Variants in HMCN1 observed in about 807,000 individuals in gnomAD.
HMCN1 encodes hemicentin-1.
HMCN1 carries 321 observed loss-of-function variants against 625.9 expected under a neutral mutation model. The observed-to-expected ratio is 0.51, with a 90% CI of 0.47 to 0.56. The LOEUF (loss-of-function observed/expected upper bound fraction) is 0.56. Ranked by LOEUF, HMCN1 falls within the 20% of genes least tolerant of loss-of-function variation. HMCN1 has a pLI of 0.00. For synonymous variants in HMCN1, 2,425 were observed against 2,417.6 expected, an observed-to-expected ratio of 1.00 and a Z score of -0.09; for missense variants, 6,588 against 6,887.3, an observed-to-expected ratio of 0.96 and a Z score of 1.54.
chr1:185,891,914 T>C (rs1665117336), intron 4 of HMCN1, among the ~76,000 whole-genome samples: 1 of 148,852 alleles, frequency 6.7e-6, no homozygotes, highest in Non-Finnish European at 1.5e-5. Context: ...GTTTTCCAAC[T>C]TGGTTCCATT....
Position 186,130,420 on chromosome 1 carries a change from TA to T in HMCN1, c.13040-84del, listed in dbSNP as rs2102516138. The T allele has an allele frequency of 1.0e-5, 14 of 1,379,984 alleles. 1 individual carries two copies. The South Asian group carries it at 1.3e-4, about 13-fold the overall frequency. The allele number at this position is 1,379,984 out of a possible 1,614,324, so 85.5% of individuals were successfully genotyped here. ...AAGGTGGCTTTACTCCCCTCTTTAC[TA>T]AATTATTTTTCCAAATAGGTCAAAG... On this transcript the variant is annotated intron_variant, in intron 84 of 106. Coordinates refer to ENST00000271588, the MANE Select transcript of HMCN1 (RefSeq NM_031935.3).
intron 4 of HMCN1, among the ~76,000 whole-genome samples, chr1:185,908,578 G>A (rs1371308890): frequency 6.6e-6 from 1 of 151,748 alleles, no homozygotes; most frequent in Non-Finnish European, 1.5e-5. Context: ...AACTTTCTAT[G>A]GATTCAAAGT....
chr1:185,928,184 T>G (rs1667370916), intron 9 of HMCN1, among the ~76,000 whole-genome samples: 1 of 152,180 alleles, frequency 6.6e-6, no homozygotes, highest in Non-Finnish European at 1.5e-5. Context: ...TTGCTTTGTC[T>G]AAGATTCCTA....
chr1:185,909,397 C>T lies in HMCN1; in HGVS notation c.682C>T (p.His228Tyr), dbSNP rs1666285012. Residue 228 changes from histidine (H) to tyrosine (Y), a missense_variant, in exon 5 of 107, where the codon CAT becomes TAT. Around this residue, in one of 3 missense-constraint regions of HMCN1, gnomAD observed 4,628 missense variants for 4,853.1 expected, o/e 0.95. Coordinates refer to ENST00000271588, the MANE Select transcript of HMCN1 (RefSeq NM_031935.3). ...CAAAGTTCACCTTTTATCCACAGAT[C>T]ATTTGGAACAGGCTGTAAATACTTG... Reference protein sequence around the residue: ...ASKVHLLSTDHLEQAVNTWRI... With the variant: ...ASKVHLLSTDYLEQAVNTWRI... 1 of 1,613,046 alleles carries T rather than the reference C, an allele frequency of 6.2e-7. No homozygotes were observed.
At chr1:185,749,847 C>T (rs1654677332) in intron 1 of HMCN1, among the ~76,000 whole-genome samples, 1 of 152,180 alleles carries the variant, frequency 6.6e-6, no homozygotes, top group Non-Finnish European at 1.5e-5. Context: ...AGCATATTGG[C>T]CTCTTTATTA....
intron 1 of HMCN1, among the ~76,000 whole-genome samples, chr1:185,842,747 T>G (rs775472845): frequency 2.6e-5 from 4 of 151,766 alleles, no homozygotes; most frequent in Non-Finnish European, 5.9e-5. Flanking sequence ...AAAAAAAACT[T>G]TAAAAATATC....
chr1:186,187,233 A>AT (rs34610140), intron 105 of HMCN1, among the ~76,000 whole-genome samples: 113,659 of 151,968 alleles, frequency 0.75, 42,987 homozygotes, highest in African/African-American at 0.86. Context: ...TCCCACTACC[A>AT]AACAACAGAG....
In HMCN1 at chr1:186,190,081, A is replaced by C; in HGVS notation, c.*203A>C. 1.6e-6 allele frequency: 1 copy of C among 620,560 alleles called. No individual in the cohort carries two copies. The highest frequency in any genetic ancestry group is 1.9e-5 in the South Asian group (1 of 51,986). 38.4% of individuals were successfully genotyped at this position (620,560 alleles called of 1,614,324 possible). A position where few individuals can be genotyped will look rare whatever the true frequency, so the allele number is the denominator to read the frequency against. On this transcript the variant is annotated 3_prime_UTR_variant, in exon 107 of 107. Transcript: ENST00000271588. ...CATATCTTGAAGTATGGTCTAGAAA[A>C]GTCCCTTATTATTTTATTTATTACA...
intron 89 of HMCN1, among the ~76,000 whole-genome samples, chr1:186,142,423 T>C (rs1051645561): frequency 6.6e-6 from 1 of 152,206 alleles, no homozygotes; most frequent in African/African-American, 2.4e-5. Flanking sequence ...TTGGGTGTTT[T>C]GGTTGCTTCT....
intron 71 of HMCN1, among the ~76,000 whole-genome samples, chr1:186,112,208 G>A (rs1460165877): frequency 1.3e-5 from 2 of 152,052 alleles, no homozygotes; most frequent in African/African-American, 4.8e-5. Context: ...AAATGTTAGA[G>A]TACAATGTTT....
intron 11 of HMCN1, among the ~76,000 whole-genome samples, chr1:185,958,072 TTATAAATAGGGTA>T: frequency 6.6e-6 from 1 of 152,308 alleles, no homozygotes; most frequent in East Asian, 1.9e-4. Flanking sequence ...CAAATATTGT[TTATAAATAGGGTA>T]TATAATCTTT....
At chr1:185,796,806 A>G (rs1658416542) in intron 1 of HMCN1, among the ~76,000 whole-genome samples, 1 of 152,230 alleles carries the variant, frequency 6.6e-6, no homozygotes, top group South Asian at 2.1e-4. Context: ...TGCAATAAAC[A>G]CGAGTGCAGA....
intron 103 of HMCN1, chr1:186,177,303 CA>C (rs58160762): frequency 0.67 from 83,213 of 123,698 alleles, 26,889 homozygotes; most frequent in East Asian, 0.9. Context: ...AACTCCATCT[CA>C]AAAAAAAAAA....
At chr1:185,853,413 A>C (rs1373568600) in intron 2 of HMCN1, among the ~76,000 whole-genome samples, 1 of 152,194 alleles carries the variant, frequency 6.6e-6, no homozygotes, top group Non-Finnish European at 1.5e-5. Flanking sequence ...AGATATTGAA[A>C]GGTACTATAT....
At position 185,984,332 on chromosome 1, in the gene HMCN1, GTTA is replaced by G. The variant is rs1447576939; in HGVS notation, c.2935+22_2935+24del. On this transcript the variant is annotated intron_variant, in intron 19 of 106. Coordinates refer to ENST00000271588, the MANE Select transcript of HMCN1 (RefSeq NM_031935.3). ...GTGCATGGTAAGAGACACACCCAAT[GTTA>G]TTGTTTCGAAACTGTGTTCAAAGTA... 6.2e-7 allele frequency: 1 copy of G among 1,613,242 alleles called. No homozygotes were observed. The highest frequency in any genetic ancestry group is 1.1e-5 in the South Asian group (1 of 91,068).
At chr1:186,140,632 CATCTT>C (rs1364724104) in intron 89 of HMCN1, among the ~76,000 whole-genome samples, 2 of 152,070 alleles carry the variant, frequency 1.3e-5, no homozygotes, top group African/African-American at 4.8e-5. Context: ...TCTCTATAAA[CATCTT>C]ATCAACCTTT....
At chr1:186,093,311 G>C (rs1036571953) in intron 65 of HMCN1, 53 bp downstream of exon 65, 2 of 1,610,364 alleles carry the variant, frequency 1.2e-6, no homozygotes, top group Non-Finnish European at 1.7e-6. Context: ...GAATCTACCA[G>C]TAGAAGTGAA....
intron 16 of HMCN1, among the ~76,000 whole-genome samples, chr1:185,980,107 CATA>C (rs1651511256): frequency 6.6e-6 from 1 of 151,944 alleles, no homozygotes; most frequent in Non-Finnish European, 1.5e-5. Context: ...GATCTAACTA[CATA>C]ATAAAAATTA....
In HMCN1 at chr1:186,128,275, T is replaced by C. The variant is rs1661745813; in HGVS notation, c.12888T>C (p.Asn4296=). ...IPLPKLTWTF[N]NNIIPAHFDS... ...TGCCCAAATTAACATGGACCTTCAATAACAATATTATTCCAGGTTGGTCAT... is the reference window on the plus strand; with the variant it reads ...TGCCCAAATTAACATGGACCTTCAACAACAATATTATTCCAGGTTGGTCAT... The change falls in exon 83 of 107, where the codon AAT becomes AAC. Residue 4296 remains asparagine (N), a synonymous_variant. Coordinates refer to ENST00000271588, the MANE Select transcript of HMCN1 (RefSeq NM_031935.3). 1 of 1,612,836 alleles carries C rather than the reference T, an allele frequency of 6.2e-7. No individual in the cohort carries two copies. The highest frequency in any genetic ancestry group is 1.3e-5 in the African/African-American group (1 of 74,866).
Sources: gnomAD v4.1 joint callset for allele counts (sites outside exome capture counted in the v4.1 genomes callset) on GRCh38, gnomAD v4.1.1 for gene constraint, gnomAD v4.1.1 regional missense constraint, MANE v1.5 for transcripts, NCBI Gene and HGNC (gene_info 2026-07-23, HGNC 2026-07-21) for gene names.